Variants in ZNF385B observed in about 807,000 individuals in gnomAD.
ZNF385B encodes zinc finger protein 533.
ZNF385B carries 23 observed loss-of-function variants against 39.2 expected under a neutral mutation model. The observed-to-expected ratio is 0.59, with a 90% CI of 0.42 to 0.83. ZNF385B has a LOEUF of 0.83. Ranked by LOEUF, ZNF385B falls within the 40% of genes least tolerant of loss-of-function variation. The pLI, the probability that ZNF385B is intolerant of heterozygous loss-of-function variation, is 0.00. For synonymous variants in ZNF385B, 205 were observed against 222.6 expected (o/e 0.92, Z 0.70); for missense variants, 552 against 598.9 (o/e 0.92, Z 0.82).
At chr2:179,710,186 T>A (rs1376437655) in intron 3 of ZNF385B, among the ~76,000 whole-genome samples, 2 of 152,104 alleles carry the variant, frequency 1.3e-5, no homozygotes, top group South Asian at 4.1e-4. Context: ...TGAACATGCA[T>A]GTCTCATCAC....
At chr2:179,834,498 A>T (rs923360154) in intron 1 of ZNF385B, among the ~76,000 whole-genome samples, 3 of 152,206 alleles carry the variant, frequency 2.0e-5, no homozygotes, top group Non-Finnish European at 2.9e-5. Flanking sequence ...TGACTTTTTT[A>T]AAAATTACTG....
chr2:179,735,235 A>G (rs1701667618), intron 3 of ZNF385B, among the ~76,000 whole-genome samples: 1 of 150,098 alleles, frequency 6.7e-6, no homozygotes, highest in African/African-American at 2.4e-5. Flanking sequence ...ATGAACAGAC[A>G]CTTCTCAAAA....
At chr2:179,788,680 A>G (rs1223721485) in intron 1 of ZNF385B, among the ~76,000 whole-genome samples, 2 of 152,158 alleles carry the variant, frequency 1.3e-5, no homozygotes, top group Non-Finnish European at 2.9e-5. Context: ...TATCAGAGCA[A>G]TTGAGATTGT....
intron 3 of ZNF385B, among the ~76,000 whole-genome samples, chr2:179,679,774 TCA>T (rs1344406612): frequency 6.6e-6 from 1 of 152,198 alleles, no homozygotes; most frequent in Non-Finnish European, 1.5e-5. Context: ...AATGTGCTGT[TCA>T]CAGTTTATCA....
intron 3 of ZNF385B, among the ~76,000 whole-genome samples, chr2:179,575,751 G>A (rs1460515208): frequency 6.6e-6 from 1 of 152,034 alleles, no homozygotes; most frequent in Admixed American, 6.6e-5. Flanking sequence ...AGAATAAGTG[G>A]TAGTTATGCC....
chr2:179,584,143 A>G (rs1232313949), intron 3 of ZNF385B: 25 of 417,204 alleles, frequency 6.0e-5, no homozygotes, highest in Admixed American at 5.2e-4. Context: ...TGACATTTTG[A>G]ACTGAATAAT....
intron 3 of ZNF385B, among the ~76,000 whole-genome samples, chr2:179,688,561 C>A (rs1026764533): frequency 6.6e-6 from 1 of 152,136 alleles, no homozygotes; most frequent in Non-Finnish European, 1.5e-5. Context: ...CATTGTTGAA[C>A]TATCTCCTTT....
At position 179,446,702 on chromosome 2, in the gene ZNF385B, G is replaced by T. The variant is rs1208455266; in HGVS notation, c.784C>A (p.Leu262Ile). 10 of 1,614,060 alleles carry T rather than the reference G, an allele frequency of 6.2e-6. No individual in the cohort carries two copies. The highest frequency in any genetic ancestry group is 8.5e-6 in the Non-Finnish European group (10 of 1,179,960). The change falls in exon 7 of 10, where the codon CTC (leucine) becomes ATC (isoleucine). Residue 262 changes from leucine to isoleucine, a missense_variant. By Grantham distance (5) the Leu-to-Ile change is conservative (BLOSUM62 2). Transcript: ENST00000410066. ...PSSSESGSFL[L>I]KSGTTPLPPG... ...GGCAGGGGTGTTGTGCCAGATTTGA[G>T]GAGAAATGAGCCACTTTCAGAGCTT...
At chr2:179,473,432 C>T (rs1324996213) in intron 6 of ZNF385B, among the ~76,000 whole-genome samples, 2 of 152,160 alleles carry the variant, frequency 1.3e-5, no homozygotes, top group Non-Finnish European at 2.9e-5. Flanking sequence ...TACTGAGTGT[C>T]TGTGGCATGA....
At chr2:179,835,959 C>T (rs1708227103) in intron 1 of ZNF385B, among the ~76,000 whole-genome samples, 1 of 152,112 alleles carries the variant, frequency 6.6e-6, no homozygotes, top group Non-Finnish European at 1.5e-5. Flanking sequence ...ATACTATTGC[C>T]TATAAGTGAA....
intron 3 of ZNF385B, among the ~76,000 whole-genome samples, chr2:179,714,721 G>A (rs937687058): frequency 1.3e-5 from 2 of 151,818 alleles, no homozygotes; most frequent in Admixed American, 6.6e-5. Flanking sequence ...GGAGGCGGGC[G>A]GATCACCTGA....
In ZNF385B at chr2:179,818,963, G is replaced by A. The variant is rs900415059; in HGVS notation, c.-155+42138C>T. On this transcript the variant is annotated intron_variant, in intron 1 of 9. Coordinates refer to ENST00000410066, the MANE Select transcript of ZNF385B (RefSeq NM_152520.6). ...AAGGTAGGCTTTCTTTTTGGAATTCGGCTATTATTTTGGTGTTTTTTTGCC... is the reference window on the plus strand; with the variant it reads ...AAGGTAGGCTTTCTTTTTGGAATTCAGCTATTATTTTGGTGTTTTTTTGCC... Among the ~76,000 whole-genome samples, 4 of 151,042 alleles carry A rather than the reference G, an allele frequency of 2.6e-5. No homozygotes were observed. In the East Asian group the frequency reaches 5.8e-4, roughly 22 times the overall value.
At chr2:179,649,521 G>T (rs1277262470) in intron 3 of ZNF385B, among the ~76,000 whole-genome samples, 1 of 152,082 alleles carries the variant, frequency 6.6e-6, no homozygotes, top group African/African-American at 2.4e-5. Context: ...GTAATTTTGA[G>T]ATCGTTTCAA....
intron 5 of ZNF385B, among the ~76,000 whole-genome samples, chr2:179,511,415 G>A (rs2057673096): frequency 6.6e-6 from 1 of 152,050 alleles, no homozygotes; most frequent in African/African-American, 2.4e-5. Flanking sequence ...CCAGGAAATT[G>A]GAATAAAATT....
intron 6 of ZNF385B, among the ~76,000 whole-genome samples, chr2:179,475,957 C>A: frequency 7.3e-6 from 1 of 136,838 alleles, no homozygotes; most frequent in Admixed American, 8.3e-5. Context: ...GCAGAGTTTG[C>A]AGTGAGCCAA....
In ZNF385B at chr2:179,475,844, C is replaced by T. The variant is rs1490349922; in HGVS notation, c.715+7428G>A. Among the ~76,000 whole-genome samples, 4 of 127,004 alleles carry T rather than the reference C, an allele frequency of 3.1e-5. No homozygotes were observed. The East Asian group carries it at 9.1e-4, about 29-fold the overall frequency. The allele number at this position is 127,004 out of a possible 152,430, so 83.3% of individuals were successfully genotyped here. On this transcript the variant is annotated intron_variant, in intron 6 of 9. Transcript: ENST00000410066. ...CCAGCCTGGCTAACATGGGTAAACC[C>T]TGTCTCTACTAAAAATACAAAAACT...
At chr2:179,551,876 CT>C (rs2060598994) in intron 3 of ZNF385B, among the ~76,000 whole-genome samples, 1 of 152,018 alleles carries the variant, frequency 6.6e-6, no homozygotes, top group Non-Finnish European at 1.5e-5. Context: ...TGGGGATCTC[CT>C]TTAGTCCACC....
intron 3 of ZNF385B, among the ~76,000 whole-genome samples, chr2:179,546,057 C>G (rs2060211628): frequency 6.6e-6 from 1 of 151,752 alleles, no homozygotes; most frequent in African/African-American, 2.4e-5. Context: ...TTTTTAAAGA[C>G]AAGGTCTCAC....
chr2:179,852,694 C>T (rs1421722629), intron 1 of ZNF385B, among the ~76,000 whole-genome samples: 2 of 152,166 alleles, frequency 1.3e-5, no homozygotes, highest in Admixed American at 1.3e-4. Flanking sequence ...TGGGTGATTT[C>T]TCAGAGCAAC....
Sources: allele counts gnomAD v4.1 joint callset (sites outside exome capture counted in the v4.1 genomes callset), GRCh38; gene constraint gnomAD v4.1.1; transcripts MANE v1.5; gene names NCBI Gene and HGNC (gene_info 2026-07-23, HGNC 2026-07-21).